Variants in CNIH3 observed in about 807,000 individuals in gnomAD.
CNIH3 encodes protein cornichon homolog 3.
CNIH3 carries 14 observed loss-of-function variants against 24.1 expected under a neutral mutation model. The ratio of observed to expected loss-of-function variants is 0.58; its 90% CI spans 0.38 to 0.91. The LOEUF (loss-of-function observed/expected upper bound fraction) is 0.91. Among genes scored for constraint, CNIH3 ranks in the 40% least tolerant of loss-of-function variants. CNIH3 has a pLI of 0.00. For synonymous variants in CNIH3, 68 were observed against 73.8 expected (o/e 0.92, Z 0.40); for missense variants, 178 against 196.8 (o/e 0.90, Z 0.57).
chr1:224,459,010 C>G (rs934985671), intron 1 of CNIH3, among the ~76,000 whole-genome samples: 1 of 152,224 alleles, frequency 6.6e-6, no homozygotes, highest in African/African-American at 2.4e-5. Context: ...CTCCAGTGAT[C>G]AGCTCTCTTA....
upstream of CNIH3, among the ~76,000 whole-genome samples, chr1:224,615,889 C>T (rs1040163071): frequency 3.9e-5 from 6 of 152,206 alleles, no homozygotes; most frequent in African/African-American, 1.4e-4. Context: ...TGCACTGTAT[C>T]CCCAACCAAC....
intron 3 of CNIH3, among the ~76,000 whole-genome samples, chr1:224,548,380 G>T (rs1462372677): frequency 6.6e-6 from 1 of 151,434 alleles, no homozygotes; most frequent in Non-Finnish European, 1.5e-5. Flanking sequence ...TAATATTTAA[G>T]GGAAATATTT....
chr1:224,613,123 G>A (rs553490586), upstream of CNIH3, among the ~76,000 whole-genome samples: 1 of 152,186 alleles, frequency 6.6e-6, no homozygotes, highest in African/African-American at 2.4e-5. Context: ...TCAGCCTCCT[G>A]AGTAGCTGAG....
intron 1 of CNIH3, among the ~76,000 whole-genome samples, chr1:224,468,619 C>T (rs1676241155): frequency 2.0e-5 from 3 of 151,988 alleles, no homozygotes; most frequent in Admixed American, 2.0e-4. Context: ...TTCTTTCTTT[C>T]CAATCTGTCT....
upstream of CNIH3, among the ~76,000 whole-genome samples, chr1:224,512,668 TAAAAG>T (rs1553260416): frequency 6.6e-6 from 1 of 152,180 alleles, no homozygotes; most frequent in Non-Finnish European, 1.5e-5. Context: ...GTTTTTAAAA[TAAAAG>T]AAAGAACACA....
At chr1:224,694,396 G>A (rs1306498044) in intron 3 of CNIH3, among the ~76,000 whole-genome samples, 1 of 152,138 alleles carries the variant, frequency 6.6e-6, no homozygotes, top group Admixed American at 6.5e-5. Flanking sequence ...TCATTGAGAG[G>A]GTCCCTAAAC....
chr1:224,446,609 G>A (rs181405302), intron 1 of CNIH3, among the ~76,000 whole-genome samples: 154 of 152,186 alleles, frequency 1.0e-3, no homozygotes, highest in African/African-American at 3.6e-3. Flanking sequence ...AAAGATGAAC[G>A]CCCACATCAG....
At position 224,626,682 on chromosome 1, in the gene CNIH3, G is replaced by A. The variant is rs189452563; in HGVS notation, c.81+9427G>A. On this transcript the variant is annotated intron_variant, in intron 1 of 5. Transcript: ENST00000272133. ...CGACATAAACTGCCTGTAGGATAAC[G>A]TCCAAACCGCTCAATTTGGGGTTGG... Among the ~76,000 whole-genome samples the A allele has an allele frequency of 2.2e-3, 340 of 152,188 alleles. 1 individual carries two copies. Among genetic ancestry groups the A allele is most frequent in the African/African-American group, 7.5e-3 (311 of 41,498 alleles).
At chr1:224,673,087 C>T (rs1398980520) in intron 1 of CNIH3, among the ~76,000 whole-genome samples, 3 of 152,188 alleles carry the variant, frequency 2.0e-5, no homozygotes, top group East Asian at 1.9e-4. Flanking sequence ...CTGCTCAGAA[C>T]GGACTTGAAA....
chr1:224,516,379 G>A (rs1358864181), intron 1 of CNIH3, among the ~76,000 whole-genome samples: 1 of 147,100 alleles, frequency 6.8e-6, no homozygotes, highest in Non-Finnish European at 1.5e-5. Context: ...GCCCTTCACA[G>A]CTCAACTTAC....
chr1:224,680,726 A>G (rs1158478457), intron 1 of CNIH3, among the ~76,000 whole-genome samples: 1 of 152,226 alleles, frequency 6.6e-6, no homozygotes, highest in Non-Finnish European at 1.5e-5. Flanking sequence ...GAGCACAGAT[A>G]CTTAAAAAAA....
chr1:224,659,506 C>CCAAA (rs1306709039), intron 1 of CNIH3, among the ~76,000 whole-genome samples: 2 of 113,836 alleles, frequency 1.8e-5, no homozygotes, highest in Admixed American at 9.9e-5. Context: ...ATTTAGATAA[C>CCAAA]CTGAAAGCCA....
intron 1 of CNIH3, among the ~76,000 whole-genome samples, chr1:224,495,003 G>C (rs1431436159): frequency 1.3e-5 from 2 of 152,192 alleles, no homozygotes; most frequent in African/African-American, 4.8e-5. Flanking sequence ...TGGAGTACAG[G>C]ACAAATACAC....
Position 224,616,752 on chromosome 1 carries a change from G to T in CNIH3, c.-423G>T, listed in dbSNP as rs2125060219. ...GCGGAGCGCTCGTCTCTCCTCAGCG[G>T]TTTAGTGGAGAAAAGCAGAGAGCTC... On this transcript the variant is annotated 5_prime_UTR_variant, in exon 1 of 6. Coordinates refer to ENST00000272133, the MANE Select transcript of CNIH3 (RefSeq NM_152495.2). 3 of 1,013,436 alleles carry T rather than the reference G, an allele frequency of 3.0e-6. No individual in the cohort carries two copies. The highest frequency in any genetic ancestry group is 5.0e-4 in the Middle Eastern group (1 of 2,014). The allele number at this position is 1,013,436 out of a possible 1,614,324, so 62.8% of individuals were successfully genotyped here. A position where few individuals can be genotyped will look rare whatever the true frequency, so the allele number is the denominator to read the frequency against.
At chr1:224,628,048 T>C (rs949697863) in intron 1 of CNIH3, among the ~76,000 whole-genome samples, 9 of 151,478 alleles carry the variant, frequency 5.9e-5, no homozygotes, top group Non-Finnish European at 1.3e-4. Context: ...TGAGTTTGAA[T>C]CAGACTGGGT....
intron 1 of CNIH3, among the ~76,000 whole-genome samples, chr1:224,490,725 T>G (rs1558103705): frequency 6.6e-6 from 1 of 152,220 alleles, no homozygotes; most frequent in Non-Finnish European, 1.5e-5. Context: ...TCACATTATT[T>G]TATGGCCTGT....
intron 1 of CNIH3, among the ~76,000 whole-genome samples, chr1:224,482,957 C>A (rs1676872533): frequency 6.6e-6 from 1 of 152,146 alleles, no homozygotes; most frequent in Non-Finnish European, 1.5e-5. Context: ...TAGGGTTGAT[C>A]TAAATCATCC....
In CNIH3 at chr1:224,659,735, T is replaced by G. The variant is rs192195768; in HGVS notation, c.82-21223T>G. 5.3e-5 allele frequency among the ~76,000 whole-genome samples: 8 copies of G among 152,294 alleles called. No homozygotes were observed. The East Asian group carries it at 1.5e-3, about 29-fold the overall frequency. ...ATACTGGAAGAAAACATCGCTTTTC[T>G]AGACCTTACAGATAAACATTTCAGC... On this transcript the variant is annotated intron_variant, in intron 1 of 5. Coordinates refer to ENST00000272133, the MANE Select transcript of CNIH3 (RefSeq NM_152495.2).
chr1:224,726,623 C>A, intron 3 of CNIH3, among the ~76,000 whole-genome samples: 1 of 152,134 alleles, frequency 6.6e-6, no homozygotes, highest in East Asian at 1.9e-4. Flanking sequence ...TCTAGGATGC[C>A]GACCTCTGGT....
Sources: gnomAD v4.1 joint callset for allele counts (sites outside exome capture counted in the v4.1 genomes callset) on GRCh38, gnomAD v4.1.1 for gene constraint, MANE v1.5 for transcripts, NCBI Gene and HGNC (gene_info 2026-07-23, HGNC 2026-07-21) for gene names.